Variants in RBPJ observed in about 807,000 individuals in gnomAD.
RBPJ encodes recombining binding protein suppressor of hairless.
RBPJ carries 9 observed loss-of-function variants against 67.8 expected under a neutral mutation model. That is an observed-to-expected ratio of 0.13 (90% confidence interval 0.08 to 0.23). The LOEUF (loss-of-function observed/expected upper bound fraction) is 0.23, where lower values mean the gene tolerates loss of function less well. Ranked by LOEUF, RBPJ falls within the 10% of genes least tolerant of loss-of-function variation. RBPJ has a pLI of 1.00. For synonymous variants in RBPJ, 198 were observed against 203.3 expected (o/e 0.97, Z 0.22); for missense variants, 305 against 595.6 (o/e 0.51, Z 5.08).
intron 1 of RBPJ, among the ~76,000 whole-genome samples, chr4:26,210,756 T>TTTAC (rs1560212209): frequency 3.7e-5 from 4 of 108,432 alleles, no homozygotes; most frequent in South Asian, 3.5e-4. Flanking sequence ...TCTTTCCTTC[T>TTTAC]TTCTTTCTTT....
At chr4:26,195,630 G>A (rs1315097412) in intron 1 of RBPJ, among the ~76,000 whole-genome samples, 4 of 151,596 alleles carry the variant, frequency 2.6e-5, no homozygotes, top group African/African-American at 7.3e-5. Flanking sequence ...AGTCTCACTC[G>A]GTCGCCCAGG....
At chr4:26,379,304 GTCC>G (rs937013044) in intron 1 of RBPJ, among the ~76,000 whole-genome samples, 3 of 152,030 alleles carry the variant, frequency 2.0e-5, no homozygotes, top group African/African-American at 7.2e-5. Context: ...CTCTCAAGCA[GTCC>G]TCCTGCCTCA....
At chr4:26,302,669 A>C (rs1722112198) in intron 1 of RBPJ, among the ~76,000 whole-genome samples, 1 of 152,176 alleles carries the variant, frequency 6.6e-6, no homozygotes, top group African/African-American at 2.4e-5. Flanking sequence ...AACTGTGAGT[A>C]TGAGCTAGGG....
intron 1 of RBPJ, among the ~76,000 whole-genome samples, chr4:26,328,714 A>T (rs1228116238): frequency 1.3e-5 from 2 of 152,148 alleles, no homozygotes; most frequent in Admixed American, 6.6e-5. Context: ...CTGCAGCCTC[A>T]ACCTCCTGGG....
At chr4:26,171,617 A>G (rs1716588308) in intron 1 of RBPJ, among the ~76,000 whole-genome samples, 1 of 152,234 alleles carries the variant, frequency 6.6e-6, no homozygotes, top group African/African-American at 2.4e-5. Context: ...AATTTTAAGG[A>G]AGAGGACACA....
chr4:26,319,500 G>A (rs950198837), upstream of RBPJ, among the ~76,000 whole-genome samples: 5 of 121,436 alleles, frequency 4.1e-5, no homozygotes, highest in East Asian at 1.1e-3. Flanking sequence ...CCCGCCGCCC[G>A]CCTCCCGGGC....
chr4:26,257,107 T>C (rs1308001137), intron 1 of RBPJ, among the ~76,000 whole-genome samples: 2 of 152,210 alleles, frequency 1.3e-5, no homozygotes, highest in South Asian at 2.1e-4. Context: ...TGCTAGTATT[T>C]GTTGAGTATA....
chr4:26,223,701 A>C (rs1192145291), intron 1 of RBPJ, among the ~76,000 whole-genome samples: 1 of 152,190 alleles, frequency 6.6e-6, no homozygotes, highest in Non-Finnish European at 1.5e-5. Context: ...TAGTCAGTAG[A>C]AGTCTTCAAA....
chr4:26,296,816 C>A (rs956091456), intron 1 of RBPJ, among the ~76,000 whole-genome samples: 2 of 152,128 alleles, frequency 1.3e-5, no homozygotes, highest in Non-Finnish European at 2.9e-5. Flanking sequence ...ATAGCAATTG[C>A]GCTTTCAAGG....
Position 26,174,510 on chromosome 4 carries a change from C to T in RBPJ, c.-167+10896C>T, listed in dbSNP as rs1181680688. Among the ~76,000 whole-genome samples, 6 of 152,216 alleles carry T rather than the reference C, an allele frequency of 3.9e-5. 1 individual carries two copies. The highest frequency in any genetic ancestry group is 3.9e-4 in the Admixed American group (6 of 15,266). ...TTTGAGATGGAGTCTTACTCTGTTG[C>T]CCAAGCTGCAGTGCAGTGGTGCGAT... On this transcript the variant is annotated intron_variant, in intron 1 of 4. Transcript: ENST00000512351.
chr4:26,329,687 A>C (rs182649459), intron 1 of RBPJ, among the ~76,000 whole-genome samples: 1 of 151,956 alleles, frequency 6.6e-6, no homozygotes, highest in African/African-American at 2.4e-5. Flanking sequence ...GAGGTCAGGA[A>C]ATCGAGACCA....
At chr4:26,405,410 A>C (rs1733291707) in intron 2 of RBPJ, among the ~76,000 whole-genome samples, 1 of 152,174 alleles carries the variant, frequency 6.6e-6, no homozygotes, top group Admixed American at 6.5e-5. Context: ...ATCTGTGTAG[A>C]GCTTGCTTTC....
chr4:26,143,129 A>G, the RBPJ span, among the ~76,000 whole-genome samples: 1 of 152,218 alleles, frequency 6.6e-6, no homozygotes, highest in Non-Finnish European at 1.5e-5. Flanking sequence ...TCATAATAAT[A>G]TGATTAAATA....
At chr4:26,150,172 T>C in the RBPJ span, among the ~76,000 whole-genome samples, 3 of 152,194 alleles carry the variant, frequency 2.0e-5, no homozygotes, top group African/African-American at 7.2e-5. Flanking sequence ...GTTCCAAAAA[T>C]TGGATGTCCA....
the RBPJ span, among the ~76,000 whole-genome samples, chr4:26,155,374 A>C: frequency 7.2e-4 from 109 of 151,654 alleles, 1 homozygote; most frequent in African/African-American, 2.5e-3. Flanking sequence ...AGCCTCAGGC[A>C]CATGCCCTCT....
intron 1 of RBPJ, among the ~76,000 whole-genome samples, chr4:26,336,886 C>G (rs1297319161): frequency 9.2e-5 from 14 of 152,098 alleles, no homozygotes; most frequent in Admixed American, 9.2e-4. Context: ...TACCACCTCC[C>G]TAAATTATAA....
At chr4:26,362,357 TTTTC>T (rs1728154821) in intron 1 of RBPJ, 1 of 698,424 alleles carries the variant, frequency 1.4e-6, no homozygotes, top group African/African-American at 1.8e-5. Flanking sequence ...GCTTTTTTGT[TTTTC>T]TTAGTCATGG....
the RBPJ span, among the ~76,000 whole-genome samples, chr4:26,145,227 T>C: frequency 2.0e-5 from 3 of 152,176 alleles, no homozygotes; most frequent in South Asian, 6.2e-4. Flanking sequence ...GGTGTCTTTA[T>C]TGAGAAAAAT....
chr4:26,215,409 A>AGGGGG (rs1560214919), intron 1 of RBPJ, among the ~76,000 whole-genome samples: 4 of 11,078 alleles, frequency 3.6e-4, no homozygotes, highest in African/African-American at 1.5e-3. Context: ...AAGGGGGGGG[A>AGGGGG]AGGAAGGAAG....
Sources: gnomAD v4.1 joint callset for allele counts (sites outside exome capture counted in the v4.1 genomes callset) on GRCh38, gnomAD v4.1.1 for gene constraint, MANE v1.5 for transcripts, NCBI Gene and HGNC (gene_info 2026-07-23, HGNC 2026-07-21) for gene names.